The following CD86 variants were observed in gnomAD, a reference collection of about 807,000 sequenced individuals.
CD86 encodes T-lymphocyte activation antigen CD86.
In CD86, 11 loss-of-function variants were observed where a neutral mutation model predicts 32.1. The ratio of observed to expected loss-of-function variants is 0.34; its 90% CI spans 0.22 to 0.57. CD86 has a LOEUF of 0.57. CD86 is among the 20% of genes least tolerant of loss of function. CD86 has a pLI of 0.86. For missense variants in CD86, 359 were observed against 398.4 expected, an observed-to-expected ratio of 0.90 and a Z score of 0.84; for synonymous variants, 137 against 135.3, an observed-to-expected ratio of 1.01 and a Z score of -0.09.
At chr3:122,113,653 T>C (rs770772707) in intron 5 of CD86, among the ~76,000 whole-genome samples, 14 of 152,214 alleles carry the variant, frequency 9.2e-5, no homozygotes, top group Non-Finnish European at 1.9e-4. Context: ...TATATTTTCT[T>C]TTCAGAATTG....
chr3:122,097,711 T>C (rs2072929748), intron 2 of CD86, among the ~76,000 whole-genome samples: 2 of 152,114 alleles, frequency 1.3e-5, no homozygotes, highest in Admixed American at 1.3e-4. Context: ...AGTACTGAGT[T>C]AGCGTGGGGA....
chr3:122,103,421 G>C (rs113527548), intron 2 of CD86, 91 bp from the exon 3 acceptor site: 1 of 780,448 alleles, frequency 1.3e-6, no homozygotes, highest in Admixed American at 2.7e-5. Flanking sequence ...TTACTGATAA[G>C]ATAGTATCTG....
intron 5 of CD86, among the ~76,000 whole-genome samples, chr3:122,114,724 C>A (rs1206569380): frequency 6.6e-6 from 1 of 152,066 alleles, no homozygotes; most frequent in African/African-American, 2.4e-5. Flanking sequence ...AGGCAATAAC[C>A]TTTACTACAT....
intron 2 of CD86, among the ~76,000 whole-genome samples, chr3:122,093,802 T>C (rs2072865362): frequency 6.6e-6 from 1 of 152,170 alleles, no homozygotes; most frequent in South Asian, 2.1e-4. Flanking sequence ...GTCTTGTTGT[T>C]ATTTCCCATT....
chr3:122,092,601 A>G (rs916914685), intron 2 of CD86, among the ~76,000 whole-genome samples: 1 of 152,144 alleles, frequency 6.6e-6, no homozygotes, highest in African/African-American at 2.4e-5. Flanking sequence ...TATAAACAGG[A>G]GTTGGCTGCG....
chr3:122,108,695 A>G (rs560975501), intron 4 of CD86, among the ~76,000 whole-genome samples: 17 of 152,230 alleles, frequency 1.1e-4, no homozygotes, highest in Non-Finnish European at 1.8e-4. Context: ...GTTTTTCAGT[A>G]GATGAGATAT....
chr3:122,073,174 C>G (rs895615772), intron 1 of CD86, among the ~76,000 whole-genome samples: 1 of 147,472 alleles, frequency 6.8e-6, no homozygotes, highest in African/African-American at 2.5e-5. Context: ...ACATCCTCAG[C>G]AGCATTTGGT....
At chr3:122,112,315 A>AT (rs543090391) in intron 5 of CD86, among the ~76,000 whole-genome samples, 129 of 149,534 alleles carry the variant, frequency 8.6e-4, no homozygotes, top group East Asian at 2.7e-3. Flanking sequence ...TTTTTTTTTA[A>AT]TTTTTTTTTT....
intron 1 of CD86, among the ~76,000 whole-genome samples, chr3:122,059,537 A>C (rs2072294170): frequency 6.8e-6 from 1 of 147,394 alleles, no homozygotes; most frequent in Non-Finnish European, 1.5e-5. Context: ...CTCCGTCTCA[A>C]AAAAAAAAAA....
intron 2 of CD86, among the ~76,000 whole-genome samples, chr3:122,096,556 A>G (rs1156491490): frequency 6.6e-6 from 1 of 152,254 alleles, no homozygotes; most frequent in Non-Finnish European, 1.5e-5. Flanking sequence ...AAGTAAATCA[A>G]TTAATGCTTA....
chr3:122,091,504 T>A (rs1458426088), intron 1 of CD86, 97 bp from the exon 2 acceptor site: 2 of 963,450 alleles, frequency 2.1e-6, no homozygotes, highest in Non-Finnish European at 3.4e-6. Context: ...AGAACCCAAG[T>A]GAATCCCAAA....
At chr3:122,103,991 G>A (rs2107539049) in intron 3 of CD86, 144 bp downstream of exon 3, 2 of 649,208 alleles carry the variant, frequency 3.1e-6, no homozygotes, top group Non-Finnish European at 5.4e-6. Flanking sequence ...GCCACTTCTG[G>A]GAAGTGCATT....
At chr3:122,079,824 C>T (rs866393801) in intron 1 of CD86, among the ~76,000 whole-genome samples, 1 of 152,186 alleles carries the variant, frequency 6.6e-6, no homozygotes, top group Admixed American at 6.5e-5. Flanking sequence ...GGAAGCATCT[C>T]GTTCCCTATC....
intron 4 of CD86, 86 bp from the exon 5 acceptor site, chr3:122,109,179 G>T: frequency 7.2e-7 from 1 of 1,389,368 alleles, no homozygotes; most frequent in South Asian, 1.3e-5. Flanking sequence ...GGGAGAGGCT[G>T]GCAGGTAAAT....
intron 1 of CD86, among the ~76,000 whole-genome samples, chr3:122,086,220 A>G (rs186258420): frequency 1.3e-5 from 2 of 152,306 alleles, no homozygotes. Flanking sequence ...CTCAATAAAT[A>G]ACCTTCTGAG....
At chr3:122,108,443 C>G (rs888373972) in intron 4 of CD86, among the ~76,000 whole-genome samples, 1 of 152,158 alleles carries the variant, frequency 6.6e-6, no homozygotes, top group African/African-American at 2.4e-5. Flanking sequence ...CTTAACATCC[C>G]AGAAACAGGG....
chr3:122,082,351 C>T (rs1283893794), intron 1 of CD86, among the ~76,000 whole-genome samples: 1 of 152,246 alleles, frequency 6.6e-6, no homozygotes, highest in African/African-American at 2.4e-5. Flanking sequence ...TATTTGCAGA[C>T]ACCCAGCATA....
At chr3:122,118,219 G>GAA (rs1336593715) in intron 6 of CD86, 126 bp downstream of exon 6, 1 of 758,686 alleles carries the variant, frequency 1.3e-6, no homozygotes, top group African/African-American at 1.8e-5. Flanking sequence ...AGAGGGAGAG[G>GAA]AAAATAAAAC....
intron 5 of CD86, among the ~76,000 whole-genome samples, chr3:122,110,194 C>G (rs1005172655): frequency 2.0e-5 from 3 of 152,144 alleles, no homozygotes; most frequent in African/African-American, 7.2e-5. Flanking sequence ...AAGATATTCC[C>G]TTTTGTGGAT....
Sources: gnomAD v4.1 joint callset for allele counts (sites outside exome capture counted in the v4.1 genomes callset) on GRCh38, gnomAD v4.1.1 for gene constraint, MANE v1.5 for transcripts, NCBI Gene and HGNC (gene_info 2026-07-23, HGNC 2026-07-21) for gene names.